Variants in GZMM observed in about 807,000 individuals in gnomAD.
The protein encoded by GZMM is HU-Met-1.
GZMM carries 23 observed loss-of-function variants against 19.2 expected under a neutral mutation model. The observed-to-expected ratio is 1.20, with a 90% CI of 0.86 to 1.69. The LOEUF (loss-of-function observed/expected upper bound fraction) is 1.69. Among genes scored for constraint, GZMM ranks in the 40% most tolerant of loss-of-function variants. The probability of loss-of-function intolerance (pLI) is 0.00; values close to 1 mark genes in which losing one functional copy is unlikely to be tolerated. For missense variants in GZMM, 373 were observed against 352.2 expected (o/e 1.06, Z -0.47); for synonymous variants, 178 against 160.2 (o/e 1.11, Z -0.84).
At chr19:544,232 G>A (rs918574325) in intron 1 of GZMM, 106 bp downstream of exon 1, 22 of 920,998 alleles carry the variant, frequency 2.4e-5, no homozygotes, top group Admixed American at 1.7e-4. Context: ...GTGTAAGAGC[G>A]GAGATTCATC....
At position 545,834 on chromosome 19, in the gene GZMM, G is replaced by A. The variant is rs549062878; in HGVS notation, c.56-1446G>A. On this transcript the variant is annotated intron_variant, in intron 1 of 4. Coordinates refer to ENST00000264553, the MANE Select transcript of GZMM (RefSeq NM_005317.4). ...AATTTTTTGTATTTTTAGTAGAGAC[G>A]GGGTTTCACCGTGTTAGCCAGGATG... 2.2e-4 allele frequency among the ~76,000 whole-genome samples: 33 copies of A among 151,432 alleles called. 1 individual carries two copies. In the South Asian group the frequency reaches 5.0e-3, roughly 23 times the overall value.
chr19:545,757 T>C (rs543492032), intron 1 of GZMM, among the ~76,000 whole-genome samples: 111 of 150,980 alleles, frequency 7.4e-4, no homozygotes, highest in Non-Finnish European at 1.1e-3. Flanking sequence ...GATTCTCCTG[T>C]CTCAGCCTCC....
In GZMM at chr19:549,845, A is replaced by C; in HGVS notation, c.*54A>C. The C allele has an allele frequency of 1.3e-6, 1 of 760,764 alleles. No individual in the cohort carries two copies. 47.1% of individuals were successfully genotyped at this position (760,764 alleles called of 1,614,324 possible). On this transcript the variant is annotated 3_prime_UTR_variant, in exon 5 of 5. Coordinates refer to ENST00000264553, the MANE Select transcript of GZMM (RefSeq NM_005317.4). ...TGTCTCCACAGGACCCTTCCCCTCC[A>C]GGGGTGCAGTGGGGTGGGTGAGGAC...
At chr19:545,045 T>G (rs1046731153) in intron 1 of GZMM, among the ~76,000 whole-genome samples, 2 of 151,558 alleles carry the variant, frequency 1.3e-5, no homozygotes, top group African/African-American at 4.9e-5. Context: ...CTCTCTTCCT[T>G]TCCCCCCTCC....
Position 549,168 on chromosome 19 carries a change from G to A in GZMM, c.595G>A (p.Asp199Asn). The part of the protein sequence containing the change: ...SMVCLAADSK[D>N]QAPCKGDSGG... The stretch of plus-strand genomic sequence containing the variant: ...GGTCTGCCTGGCGGCCGACTCCAAG[G>A]ACCAGGCTCCCTGCAAGGTGAGGGG... Residue 199 changes from aspartate (D) to asparagine (N), a missense_variant, in exon 4 of 5, where the codon GAC (aspartate) becomes AAC (asparagine). Coordinates refer to ENST00000264553, the MANE Select transcript of GZMM (RefSeq NM_005317.4). The A allele has an allele frequency of 6.3e-7, 1 of 1,575,560 alleles. No individual in the cohort carries two copies.
chr19:548,207 C>G (rs746366204), intron 2 of GZMM, among the ~76,000 whole-genome samples: 16 of 152,204 alleles, frequency 1.1e-4, no homozygotes, highest in Admixed American at 2.6e-4. Flanking sequence ...AACCCCTGTA[C>G]AAATCACTGT....
chr19:548,389 GAC>G (rs1250882006), intron 2 of GZMM, among the ~76,000 whole-genome samples, 151 bp from the exon 3 acceptor site: 1 of 152,180 alleles, frequency 6.6e-6, no homozygotes, highest in Non-Finnish European at 1.5e-5. Context: ...GGGTTGCAAA[GAC>G]ACAGGGAAGG....
chr19:544,111 G>A lies in GZMM; in HGVS notation c.40G>A (p.Gly14Arg). ...CVSSLLVLAL[G>R]ALSVGSSFGT... ...GTCTTCACTGCTGGTGCTGGCCCTGGGGGCCCTGTCAGTAGGTGAGTGGGA... is the reference window on the plus strand; with the variant it reads ...GTCTTCACTGCTGGTGCTGGCCCTGAGGGCCCTGTCAGTAGGTGAGTGGGA... The change falls in exon 1 of 5, where the codon GGG becomes AGG. Residue 14 changes from glycine (G) to arginine (R), a missense_variant. Physicochemically the swap from Gly to Arg is moderately radical, Grantham distance 125 (BLOSUM62 -2). Transcript: ENST00000264553. 6.5e-7 allele frequency: 1 copy of A among 1,545,412 alleles called. No individual in the cohort carries two copies.
At chr19:545,734 C>A (rs1980253608) in intron 1 of GZMM, among the ~76,000 whole-genome samples, 1 of 151,662 alleles carries the variant, frequency 6.6e-6, no homozygotes. Flanking sequence ...ACCTCTGCCT[C>A]CCGGGTTCAA....
chr19:544,833 C>G, intron 1 of GZMM, among the ~76,000 whole-genome samples: 1 of 150,374 alleles, frequency 6.7e-6, no homozygotes, highest in South Asian at 2.1e-4. Context: ...ACCCATGGGT[C>G]CATCATCCAT....
At position 549,041 on chromosome 19, in the gene GZMM, C is replaced by T. The variant is rs150398893; in HGVS notation, c.468C>T (p.Gly156=). The change falls in exon 4 of 5, where the codon GGC becomes GGT. Residue 156 remains glycine, a synonymous_variant. Transcript: ENST00000264553. ...CCGGCTGGGGGCTGACCCACCAGGG[C>T]GGGCGCCTGTCCCGGGTGCTGCGGG... ...SMAGWGLTHQ[G]GRLSRVLREL... The T allele has an allele frequency of 0.011, 17,694 of 1,598,226 alleles. 137 individuals are homozygous for T. Among genetic ancestry groups the T allele is most frequent in the Middle Eastern group, 0.025 (149 of 5,978 alleles).
intron 2 of GZMM, among the ~76,000 whole-genome samples, 176 bp downstream of exon 2, chr19:547,612 T>G (rs1980340216): frequency 6.6e-6 from 1 of 152,182 alleles, no homozygotes; most frequent in African/African-American, 2.4e-5. Context: ...GGAGAAGGTT[T>G]ACTCCTTGCA....
Position 549,885 on chromosome 19 carries a change from G to C in GZMM, c.*94G>C. On this transcript the variant is annotated 3_prime_UTR_variant, in exon 5 of 5. Coordinates refer to ENST00000264553, the MANE Select transcript of GZMM (RefSeq NM_005317.4). ...TGGGTGAGGACGGGTGGGAGGGACA[G>C]GGAGGGACCAATAAATCATAATGAA... 1 of 795,764 alleles carries C rather than the reference G, an allele frequency of 1.3e-6. No homozygotes were observed. The highest frequency in any genetic ancestry group is 2.6e-5 in the East Asian group (1 of 37,824). 49.3% of individuals were successfully genotyped at this position (795,764 alleles called of 1,614,324 possible).
intron 1 of GZMM, among the ~76,000 whole-genome samples, chr19:546,060 G>A (rs980544816): frequency 2.3e-5 from 2 of 86,420 alleles, no homozygotes; most frequent in Non-Finnish European, 4.8e-5. Flanking sequence ...GATTATAGGC[G>A]TGAGCCACTG....
intron 1 of GZMM, among the ~76,000 whole-genome samples, chr19:546,837 CA>C (rs993136846): frequency 9.0e-6 from 1 of 111,054 alleles, no homozygotes; most frequent in Non-Finnish European, 1.9e-5. Context: ...GACTCTGTCT[CA>C]AAAAAAAAGA....
intron 1 of GZMM, among the ~76,000 whole-genome samples, chr19:544,791 C>T (rs1245714286): frequency 6.9e-6 from 1 of 144,912 alleles, no homozygotes; most frequent in Non-Finnish European, 1.5e-5. Flanking sequence ...TCCTTCCATT[C>T]TTCCACCCAC....
intron 4 of GZMM, 128 bp from the exon 5 acceptor site, chr19:549,502 C>A: frequency 1.0e-6 from 1 of 976,876 alleles, no homozygotes; most frequent in Non-Finnish European, 1.5e-6. Flanking sequence ...ACGCGTGGGC[C>A]GGGAGCAGCC....
rs867370843 is a variant in GZMM, at chr19:547,329, C to T, written c.105C>T (p.His35=). The T allele has an allele frequency of 4.4e-6, 7 of 1,577,516 alleles. No homozygotes were observed. The Middle Eastern group carries it at 5.0e-4, about 114-fold the overall frequency. Residue 35 remains histidine (H), a synonymous_variant, in exon 2 of 5, where the codon CAC becomes CAT. Transcript: ENST00000264553. ...TCGGGGGCCGGGAGGTGATCCCCCA[C>T]TCGCGCCCGTACATGGCCTCACTGC... is the stretch of plus-strand genomic sequence containing the variant. ...QIIGGREVIP[H]SRPYMASLQR...
intron 1 of GZMM, among the ~76,000 whole-genome samples, chr19:546,738 T>C (rs552991246): frequency 4.2e-4 from 63 of 151,684 alleles, no homozygotes; most frequent in Non-Finnish European, 7.9e-4. Context: ...CTCGGGAGAC[T>C]GAGTCAGGAG....
Sources: allele counts gnomAD v4.1 joint callset (sites outside exome capture counted in the v4.1 genomes callset), GRCh38; gene constraint gnomAD v4.1.1; transcripts MANE v1.5; gene names NCBI Gene and HGNC (gene_info 2026-07-23, HGNC 2026-07-21).